Variants in MVK observed in about 807,000 individuals in gnomAD.
The protein encoded by MVK is mevalonate kinase.
In MVK, 34 loss-of-function variants were observed where a neutral mutation model predicts 43.2. That is an observed-to-expected ratio of 0.79 (90% CI 0.60 to 1.05). The LOEUF is 1.05. MVK is among the 50% of genes least tolerant of loss of function. The probability of loss-of-function intolerance (pLI) is 0.00; values close to 1 mark genes in which losing one functional copy is unlikely to be tolerated. For missense variants in MVK, 395 were observed against 504.0 expected, an observed-to-expected ratio of 0.78 and a Z score of 2.07; for synonymous variants, 190 against 219.8, an observed-to-expected ratio of 0.86 and a Z score of 1.20.
intron 3 of MVK, among the ~76,000 whole-genome samples, chr12:109,578,147 A>G (rs547004401): frequency 1.4e-4 from 21 of 152,258 alleles, no homozygotes; most frequent in Non-Finnish European, 2.4e-4. Context: ...TGCATTATGT[A>G]GGGAAGGGCT....
chr12:109,576,288 C>T lies in MVK; in HGVS notation c.226+143C>T, dbSNP rs972406659. The T allele has an allele frequency of 6.6e-5, 70 of 1,053,406 alleles. No homozygotes were observed. The African/African-American group carries it at 9.7e-4, about 15-fold the overall frequency. 65.3% of individuals were successfully genotyped at this position (1,053,406 alleles called of 1,614,324 possible). A position where few individuals can be genotyped will look rare whatever the true frequency, so the allele number is the denominator to read the frequency against. ...CCCTGACCTCATAAAATTAGCTTCA[C>T]TCATTTTATTTTTTTAAAATTTATA... is the stretch of plus-strand genomic sequence containing the variant. On this transcript the variant is annotated intron_variant, in intron 3 of 10. Transcript: ENST00000228510.
chr12:109,591,282 C>T lies in MVK; in HGVS notation c.810C>T (p.Ala270=). The change falls in exon 9 of 11, where the codon GCC becomes GCT. Residue 270 remains alanine, a synonymous_variant. Transcript: ENST00000228510. ...IVAPLLTSID[A]ISLECERVLG... Reference sequence around the variant, plus strand: ...CCCCCCTCCTGACCTCAATAGATGCCATCTCCCTGGAGTGTGAGCGCGTGC... The same window carrying T: ...CCCCCCTCCTGACCTCAATAGATGCTATCTCCCTGGAGTGTGAGCGCGTGC... 1.2e-6 allele frequency: 2 copies of T among 1,614,226 alleles called. No individual in the cohort carries two copies. Among genetic ancestry groups the T allele is most frequent in the Non-Finnish European group, 1.7e-6 (2 of 1,180,040 alleles).
chr12:109,577,228 A>G (rs1229174687), intron 3 of MVK, among the ~76,000 whole-genome samples: 2 of 152,182 alleles, frequency 1.3e-5, no homozygotes, highest in Non-Finnish European at 2.9e-5. Flanking sequence ...TTTTTCCATC[A>G]GTGGAGTCCC....
chr12:109,587,853 G>A (rs533086810), intron 7 of MVK: 16 of 152,396 alleles, frequency 1.0e-4, no homozygotes, highest in Admixed American at 6.5e-4. Context: ...ATTTGGGGCT[G>A]GGTTATTCTT....
intron 5 of MVK, 150 bp from the exon 6 acceptor site, chr12:109,585,872 G>A (rs942313714): frequency 2.7e-5 from 19 of 704,346 alleles, no homozygotes; most frequent in Non-Finnish European, 4.4e-5. Context: ...GGCACGCTCC[G>A]TAGCTGGAGA....
At chr12:109,585,809 C>T (rs1184438369) in intron 5 of MVK, among the ~76,000 whole-genome samples, 1 of 152,138 alleles carries the variant, frequency 6.6e-6, no homozygotes, top group African/African-American at 2.4e-5. Context: ...GAGTCCAAAG[C>T]CCAGGCTGTT....
intron 9 of MVK, among the ~76,000 whole-genome samples, chr12:109,593,409 A>G (rs1885768822): frequency 6.6e-6 from 1 of 152,130 alleles, no homozygotes; most frequent in East Asian, 1.9e-4. Context: ...GTGATTGGCA[A>G]CTCCTGGTAT....
Position 109,596,506 on chromosome 12 carries a change from GC to G in MVK, c.1125del (p.Gly376AlafsTer101). On this transcript the variant is annotated frameshift_variant, in exon 11 of 11. Coordinates refer to ENST00000228510, the MANE Select transcript of MVK (RefSeq NM_000431.4). LOFTEE classifies it high-confidence loss of function. The stretch of plus-strand genomic sequence containing the variant: ...TGACTGCTTGGAAACCAGCATCGGT[GC>G]CCCCGGCGTCTCCATCCACTCAGCC... ...GFDCLETSIGAPGVSIHSATS... is the reference protein window; with the variant it reads ...GFDCLETSIGXPGVSIHSATS... 1 of 1,613,162 alleles carries G rather than the reference GC, an allele frequency of 6.2e-7. No individual in the cohort carries two copies.
At chr12:109,584,804 G>A (rs577069844) in intron 5 of MVK, among the ~76,000 whole-genome samples, 243 of 152,298 alleles carry the variant, frequency 1.6e-3, no homozygotes, top group African/African-American at 5.6e-3. Context: ...AGAATCGCTT[G>A]AACCCAGGAG....
rs775474803 is a variant in MVK, at chr12:109,581,403, C to T, written c.380C>T (p.Pro127Leu). The T allele has an allele frequency of 2.2e-5, 36 of 1,613,826 alleles. No individual in the cohort carries two copies. The highest frequency in any genetic ancestry group is 3.4e-4 in the Middle Eastern group (2 of 5,946). Residue 127 changes from proline (P) to leucine (L), a missense_variant, in exon 5 of 11, where the codon CCG becomes CTG. Physicochemically the swap from Pro to Leu is moderately conservative, Grantham distance 98. Transcript: ENST00000228510. ...ACCCTGGTGTGTTTCAGGGCCCTGC[C>T]GAGCCTGGATATCGTAGTGTGGTCG... The part of the protein sequence containing the change: ...LSICRKQRAL[P>L]SLDIVVWSEL...
At chr12:109,582,741 T>A (rs1383673523) in intron 5 of MVK, among the ~76,000 whole-genome samples, 1 of 151,052 alleles carries the variant, frequency 6.6e-6, no homozygotes, top group Non-Finnish European at 1.5e-5. Flanking sequence ...AAGACTCACA[T>A]TTGTTGAGAG....
At chr12:109,578,975 T>G (rs1395416184) in intron 3 of MVK, among the ~76,000 whole-genome samples, 1 of 152,220 alleles carries the variant, frequency 6.6e-6, no homozygotes, top group African/African-American at 2.4e-5. Context: ...GTCCTATTCC[T>G]GATGATTATC....
At chr12:109,582,072 G>A (rs918755806) in intron 5 of MVK, among the ~76,000 whole-genome samples, 2 of 152,214 alleles carry the variant, frequency 1.3e-5, no homozygotes, top group Admixed American at 6.5e-5. Flanking sequence ...CCGTCTCCAC[G>A]GAGGGCGTGT....
In MVK at chr12:109,597,787, C is replaced by A. The variant is rs1210615540; in HGVS notation, c.*1210C>A. The A allele has an allele frequency of 6.6e-6, 1 of 152,274 alleles. No homozygotes were observed. The highest frequency in any genetic ancestry group is 2.4e-5 in the African/African-American group (1 of 41,460). The allele number at this position is 152,274 out of a possible 1,614,324, so 9.4% of individuals were successfully genotyped here. A position where few individuals can be genotyped will look rare whatever the true frequency, so the allele number is the denominator to read the frequency against. On this transcript the variant is annotated 3_prime_UTR_variant, in exon 11 of 11. Coordinates refer to ENST00000228510, the MANE Select transcript of MVK (RefSeq NM_000431.4). The stretch of plus-strand genomic sequence containing the variant: ...GCCAGAACCTCTGGGACCCACGGAC[C>A]TGCAAAGAGGCCGAGTGGAAAGGTG...
chr12:109,590,953 T>C, intron 8 of MVK, 92 bp downstream of exon 8: 1 of 1,370,068 alleles, frequency 7.3e-7, no homozygotes, highest in East Asian at 2.4e-5. Context: ...TGATGGGTTA[T>C]AGGGGGTGTG....
intron 5 of MVK, among the ~76,000 whole-genome samples, 168 bp from the exon 6 acceptor site, chr12:109,585,854 G>A (rs1352528919): frequency 2.0e-5 from 3 of 152,232 alleles, no homozygotes; most frequent in East Asian, 1.9e-4. Flanking sequence ...AGGGAAGGGC[G>A]CACACTTGGC....
intron 8 of MVK, 94 bp from the exon 9 acceptor site, chr12:109,591,147 T>G: frequency 8.0e-7 from 1 of 1,248,278 alleles, no homozygotes; most frequent in Non-Finnish European, 1.2e-6. Context: ...ACGGGCTGTG[T>G]GAACACCTCC....
intron 7 of MVK, chr12:109,590,286 C>T: frequency 3.6e-6 from 1 of 274,030 alleles, no homozygotes. Context: ...TCCTTGTACT[C>T]TGCTATAGCC....
At chr12:109,574,054 C>T (rs1226062713) in intron 1 of MVK, among the ~76,000 whole-genome samples, 181 bp downstream of exon 1, 1 of 152,248 alleles carries the variant, frequency 6.6e-6, no homozygotes, top group Admixed American at 6.5e-5. Flanking sequence ...ATTCCCCGCT[C>T]TGAGCCTCAG....
Sources: gnomAD v4.1 joint callset for allele counts (sites outside exome capture counted in the v4.1 genomes callset) on GRCh38, gnomAD v4.1.1 for gene constraint, MANE v1.5 for transcripts, NCBI Gene and HGNC (gene_info 2026-07-23, HGNC 2026-07-21) for gene names.